LARGE1: variants seen among roughly 807,000 people sequenced by gnomAD.
LARGE1 encodes the protein LARGE xylosyl- and glucuronyltransferase 1, also known as xylosyl- and glucuronyltransferase LARGE1.
In LARGE1, 43 loss-of-function variants were observed where a neutral mutation model predicts 87.6. That is an observed-to-expected ratio of 0.49 (90% CI 0.38 to 0.63). The LOEUF is 0.63. Ranked by LOEUF, LARGE1 falls within the 30% of genes least tolerant of loss-of-function variation. The pLI, the probability that LARGE1 is intolerant of heterozygous loss-of-function variation, is 0.00. For missense variants in LARGE1, 802 were observed against 1,000.2 expected, an observed-to-expected ratio of 0.80 and a Z score of 2.67; for synonymous variants, 434 against 394.6, an observed-to-expected ratio of 1.10 and a Z score of -1.18.
At chr22:33,154,273 C>G in the LARGE1 span, among the ~76,000 whole-genome samples, 1 of 152,088 alleles carries the variant, frequency 6.6e-6, no homozygotes, top group Non-Finnish European at 1.5e-5. Flanking sequence ...CAGAGTCTCA[C>G]TCTGTTGCCC....
chr22:33,789,665 T>C (rs571930643), intron 1 of LARGE1, among the ~76,000 whole-genome samples: 2 of 152,306 alleles, frequency 1.3e-5, no homozygotes, highest in South Asian at 4.1e-4. Context: ...CAGCATGACC[T>C]AGAGGATGTG....
chr22:33,160,925 C>T (rs931388448), downstream of LARGE1, among the ~76,000 whole-genome samples: 5 of 152,208 alleles, frequency 3.3e-5, no homozygotes, highest in African/African-American at 1.2e-4. Context: ...CTCTGTCTGA[C>T]ATTGGAAAAC....
the LARGE1 span, among the ~76,000 whole-genome samples, chr22:33,107,848 C>T: frequency 1.3e-5 from 2 of 151,972 alleles, no homozygotes; most frequent in South Asian, 4.1e-4. Flanking sequence ...ACAGGAAGAC[C>T]CTGTCTCTAA....
At chr22:33,518,030 G>T (rs1428129628) in intron 6 of LARGE1, among the ~76,000 whole-genome samples, 1 of 152,156 alleles carries the variant, frequency 6.6e-6, no homozygotes, top group African/African-American at 2.4e-5. Context: ...GGGATCTGAG[G>T]CACCCTCTCT....
intron 1 of LARGE1, among the ~76,000 whole-genome samples, chr22:33,917,602 T>C (rs1485442692): frequency 6.6e-6 from 1 of 152,174 alleles, no homozygotes; most frequent in African/African-American, 2.4e-5. Context: ...ACCAAAAGTG[T>C]TGATTACAAA....
intron 1 of LARGE1, among the ~76,000 whole-genome samples, chr22:33,810,234 G>A (rs2086450164): frequency 6.6e-6 from 1 of 152,212 alleles, no homozygotes; most frequent in African/African-American, 2.4e-5. Context: ...TTGGTTGAGA[G>A]AGTTTACACT....
intron 6 of LARGE1, among the ~76,000 whole-genome samples, chr22:33,446,527 T>C (rs1313314094): frequency 3.9e-5 from 6 of 152,150 alleles, no homozygotes; most frequent in Non-Finnish European, 7.3e-5. Context: ...TTGAATTGAA[T>C]TGCAGGACAC....
intron 1 of LARGE1, among the ~76,000 whole-genome samples, chr22:33,784,544 C>T (rs117776891): frequency 0.017 from 2,634 of 152,150 alleles, 29 homozygotes; most frequent in South Asian, 0.043. Flanking sequence ...ATTTCTAGTG[C>T]CCTAATTCAC....
intron 11 of LARGE1, among the ~76,000 whole-genome samples, chr22:33,170,522 T>C (rs1922509774): frequency 6.6e-6 from 1 of 151,934 alleles, no homozygotes; most frequent in African/African-American, 2.4e-5. Context: ...ATCATTGGAG[T>C]GGTTTCCCCG....
At chr22:33,617,793 G>A (rs2079624177) in intron 4 of LARGE1, among the ~76,000 whole-genome samples, 1 of 152,178 alleles carries the variant, frequency 6.6e-6, no homozygotes, top group South Asian at 2.1e-4. Context: ...CTCTCCAGCA[G>A]AGCCTGCAGA....
intron 10 of LARGE1, among the ~76,000 whole-genome samples, chr22:33,335,854 G>A (rs191360444): frequency 6.6e-6 from 1 of 152,176 alleles, no homozygotes; most frequent in African/African-American, 2.4e-5. Context: ...TAAACCAGTG[G>A]AGCTGCTCAC....
chr22:33,873,183 G>A (rs9621792), intron 1 of LARGE1: 23,362 of 152,220 alleles, frequency 0.15, 1,873 homozygotes, highest in South Asian at 0.29. Context: ...CTGGAGCTGG[G>A]GGAATCCGGC....
intron 6 of LARGE1, among the ~76,000 whole-genome samples, chr22:33,535,057 T>C (rs2077001735): frequency 6.6e-6 from 1 of 152,220 alleles, no homozygotes; most frequent in Non-Finnish European, 1.5e-5. Flanking sequence ...ATACAATCTC[T>C]TGTCTGGAGG....
chr22:33,759,421 C>T (rs1354100901), intron 2 of LARGE1, among the ~76,000 whole-genome samples: 2 of 152,176 alleles, frequency 1.3e-5, no homozygotes, highest in African/African-American at 4.8e-5. Flanking sequence ...ATCTTGACCA[C>T]CTCTGGGACC....
the LARGE1 span, among the ~76,000 whole-genome samples, chr22:33,154,290 G>T: frequency 6.6e-6 from 1 of 152,072 alleles, no homozygotes; most frequent in South Asian, 2.1e-4. Flanking sequence ...GCCCAGGTTG[G>T]AGTGCAGTGG....
intron 1 of LARGE1, among the ~76,000 whole-genome samples, chr22:33,794,215 G>A (rs550577346): frequency 1.3e-5 from 2 of 152,246 alleles, no homozygotes; most frequent in South Asian, 4.2e-4. Context: ...GCAAATGCTG[G>A]TGGAGACTGT....
chr22:33,303,913 G>A lies in LARGE1; in HGVS notation c.1730+316C>T, dbSNP rs571405946. On this transcript the variant is annotated intron_variant, in intron 12 of 14. Transcript: ENST00000397394. Reference sequence around the variant, plus strand: ...GCTAGGATTACAGGCGAGAGCCATCGCGTGCCTGCCTGAGGAGGGTATGTT... The same window carrying A: ...GCTAGGATTACAGGCGAGAGCCATCACGTGCCTGCCTGAGGAGGGTATGTT... Among the ~76,000 whole-genome samples, 9 of 152,246 alleles carry A rather than the reference G, an allele frequency of 5.9e-5. No individual in the cohort carries two copies. In the East Asian group the frequency reaches 1.4e-3, roughly 23 times the overall value.
chr22:33,727,935 G>A (rs1382743859), intron 2 of LARGE1, among the ~76,000 whole-genome samples: 1 of 152,134 alleles, frequency 6.6e-6, no homozygotes, highest in African/African-American at 2.4e-5. Context: ...GGAGAGGTGA[G>A]ATCAAAGGAC....
intron 2 of LARGE1, among the ~76,000 whole-genome samples, chr22:33,756,798 T>C (rs2084530033): frequency 1.3e-5 from 2 of 152,108 alleles, no homozygotes; most frequent in South Asian, 4.2e-4. Flanking sequence ...TGCTTAGTCC[T>C]GATCACAAAG....
Sources: gnomAD v4.1 joint callset for allele counts (sites outside exome capture counted in the v4.1 genomes callset) on GRCh38, gnomAD v4.1.1 for gene constraint, MANE v1.5 for transcripts, NCBI Gene and HGNC (gene_info 2026-07-23, HGNC 2026-07-21) for gene names.